The following MTMR7 variants were observed in gnomAD, a reference collection of about 807,000 sequenced individuals.
MTMR7 encodes the protein myotubularin related protein 7.
Under a neutral mutation model 81.2 loss-of-function variants are expected in MTMR7, and 76 were observed. The observed-to-expected ratio is 0.94, with a 90% CI of 0.78 to 1.13. The LOEUF (loss-of-function observed/expected upper bound fraction) is 1.13. Ranked by LOEUF, MTMR7 falls within the 50% of genes most tolerant of loss-of-function variation. The pLI is 0.00. For synonymous variants in MTMR7, 372 were observed against 289.8 expected (o/e 1.28, Z -2.88); for missense variants, 1,044 against 820.0 (o/e 1.27, Z -3.34).
intron 3 of MTMR7, among the ~76,000 whole-genome samples, chr8:17,364,191 G>A (rs1347074662): frequency 3.3e-5 from 5 of 151,542 alleles, no homozygotes; most frequent in Non-Finnish European, 4.4e-5. Context: ...CACCACGCCC[G>A]GCTAATTTTT....
At chr8:17,350,982 A>G (rs1586232926) in intron 4 of MTMR7, among the ~76,000 whole-genome samples, 1 of 152,174 alleles carries the variant, frequency 6.6e-6, no homozygotes, top group African/African-American at 2.4e-5. Context: ...AGCTGGGAAG[A>G]CTGCCATAAA....
intron 1 of MTMR7, among the ~76,000 whole-genome samples, chr8:17,407,891 C>T (rs1036605609): frequency 6.6e-5 from 10 of 152,134 alleles, no homozygotes; most frequent in African/African-American, 2.4e-4. Flanking sequence ...AGTGAATGAT[C>T]AAGAGAAGGC....
At chr8:17,394,652 C>T (rs1457517902) in intron 1 of MTMR7, among the ~76,000 whole-genome samples, 1 of 152,104 alleles carries the variant, frequency 6.6e-6, no homozygotes, top group Non-Finnish European at 1.5e-5. Context: ...TCAAAAACTA[C>T]TTAAATGTAT....
At chr8:17,319,854 A>G (rs1165162808) in intron 7 of MTMR7, among the ~76,000 whole-genome samples, 1 of 152,140 alleles carries the variant, frequency 6.6e-6, no homozygotes, top group Admixed American at 6.5e-5. Flanking sequence ...TTGGTTCCCA[A>G]ATACCATCAG....
intron 7 of MTMR7, among the ~76,000 whole-genome samples, chr8:17,330,601 C>T (rs370308516): frequency 4.6e-5 from 7 of 152,176 alleles, no homozygotes; most frequent in East Asian, 3.9e-4. Flanking sequence ...CCTGTCCACA[C>T]GAGTATATAA....
At chr8:17,406,612 G>A (rs980203833) in intron 1 of MTMR7, among the ~76,000 whole-genome samples, 2 of 150,670 alleles carry the variant, frequency 1.3e-5, no homozygotes, top group Admixed American at 6.6e-5. Flanking sequence ...GTTGCTATAC[G>A]ATTCACCAAA....
chr8:17,362,160 ATTAAT>A (rs1042698927), intron 3 of MTMR7, among the ~76,000 whole-genome samples: 3 of 152,224 alleles, frequency 2.0e-5, no homozygotes, highest in African/African-American at 7.2e-5. Flanking sequence ...AAAAAGTTAA[ATTAAT>A]TTAACAATCT....
At chr8:17,346,592 A>T (rs1200700096) in intron 5 of MTMR7, among the ~76,000 whole-genome samples, 1 of 152,064 alleles carries the variant, frequency 6.6e-6, no homozygotes. Context: ...TTTCTGAGAC[A>T]ATACATATTT....
rs944518493 is a variant in MTMR7, at chr8:17,403,508, G to T, written c.24+9761C>A. 3.9e-5 allele frequency among the ~76,000 whole-genome samples: 6 copies of T among 152,264 alleles called. 1 individual carries two copies. The highest frequency in any genetic ancestry group is 1.4e-4 in the African/African-American group (6 of 41,556). On this transcript the variant is annotated intron_variant, in intron 1 of 13. Coordinates refer to ENST00000180173, the MANE Select transcript of MTMR7 (RefSeq NM_004686.5). ...TGTAGTATAATTTGAAGTCAGGTAT[G>T]TGATTCCTCCAGTTTTGTTCTTTTT...
chr8:17,360,331 C>T (rs929840964), intron 4 of MTMR7, among the ~76,000 whole-genome samples: 3 of 152,022 alleles, frequency 2.0e-5, no homozygotes, highest in Non-Finnish European at 4.4e-5. Context: ...TGATTTAATA[C>T]CCTTTTGCTC....
intron 5 of MTMR7, among the ~76,000 whole-genome samples, chr8:17,346,640 TC>T (rs1055878823): frequency 3.8e-4 from 56 of 148,214 alleles, no homozygotes; most frequent in African/African-American, 1.2e-3. Context: ...AAGTAAAATG[TC>T]CCTTGTCTCA....
At chr8:17,399,097 A>G (rs1319478501) in intron 1 of MTMR7, among the ~76,000 whole-genome samples, 2 of 152,164 alleles carry the variant, frequency 1.3e-5, no homozygotes, top group African/African-American at 4.8e-5. Flanking sequence ...TGTCACTACA[A>G]TTATTCAACA....
chr8:17,362,579 A>T (rs1245734050), intron 3 of MTMR7, among the ~76,000 whole-genome samples: 1 of 152,166 alleles, frequency 6.6e-6, no homozygotes, highest in Non-Finnish European at 1.5e-5. Context: ...GGTTTAAATG[A>T]GACATCTGGC....
intron 7 of MTMR7, among the ~76,000 whole-genome samples, chr8:17,329,482 C>G (rs1818879715): frequency 6.6e-6 from 1 of 152,144 alleles, no homozygotes; most frequent in African/African-American, 2.4e-5. Flanking sequence ...TGTCAGACCA[C>G]AGGCATAAGG....
chr8:17,407,095 A>G (rs1371635313), intron 1 of MTMR7, among the ~76,000 whole-genome samples: 1 of 152,100 alleles, frequency 6.6e-6, no homozygotes, highest in East Asian at 1.9e-4. Context: ...ATACTTTAGA[A>G]AGGTAAATTT....
At chr8:17,372,802 A>C (rs1182341387) in intron 2 of MTMR7, among the ~76,000 whole-genome samples, 1 of 152,110 alleles carries the variant, frequency 6.6e-6, no homozygotes, top group Non-Finnish European at 1.5e-5. Flanking sequence ...GGAGCACTGG[A>C]GGATGACAAT....
At chr8:17,392,902 G>A (rs76792264) in intron 1 of MTMR7, among the ~76,000 whole-genome samples, 1,555 of 152,248 alleles carry the variant, frequency 0.01, 28 homozygotes, top group African/African-American at 0.036. Flanking sequence ...TTTGCAATGA[G>A]GATGATTATA....
At chr8:17,330,395 T>C (rs927378104) in intron 7 of MTMR7, among the ~76,000 whole-genome samples, 2 of 152,224 alleles carry the variant, frequency 1.3e-5, no homozygotes, top group Non-Finnish European at 2.9e-5. Context: ...CTGCATCCTC[T>C]GTCTTTTCCC....
At chr8:17,401,070 T>C (rs1460679535) in intron 1 of MTMR7, among the ~76,000 whole-genome samples, 1 of 152,028 alleles carries the variant, frequency 6.6e-6, no homozygotes, top group African/African-American at 2.4e-5. Flanking sequence ...CCAGGTACCT[T>C]TGCAATTCGG....
Sources: gnomAD v4.1 joint callset for allele counts (sites outside exome capture counted in the v4.1 genomes callset) on GRCh38, gnomAD v4.1.1 for gene constraint, MANE v1.5 for transcripts, NCBI Gene and HGNC (gene_info 2026-07-23, HGNC 2026-07-21) for gene names.